NOS1AP: variants seen among roughly 807,000 people sequenced by gnomAD.
The protein encoded by NOS1AP is carboxyl-terminal PDZ ligand of neuronal nitric oxide synthase protein.
A neutral mutation model predicts 56.2 loss-of-function variants in NOS1AP; 21 were observed. The observed-to-expected ratio is 0.37, with a 90% confidence interval of 0.26 to 0.54. The LOEUF (loss-of-function observed/expected upper bound fraction) is 0.54. Among genes scored for constraint, NOS1AP ranks in the 20% least tolerant of loss-of-function variants. The pLI is 0.84. For synonymous variants in NOS1AP, 270 were observed against 274.6 expected, an observed-to-expected ratio of 0.98 and a Z score of 0.17; for missense variants, 522 against 657.8, an observed-to-expected ratio of 0.79 and a Z score of 2.26.
intron 4 of NOS1AP, among the ~76,000 whole-genome samples, chr1:162,322,965 A>G (rs146193855): frequency 7.9e-5 from 12 of 152,346 alleles, no homozygotes; most frequent in African/African-American, 2.2e-4. Flanking sequence ...TAGGGTTCCA[A>G]TTCTAATGCA....
chr1:162,188,704 T>C lies in NOS1AP; in HGVS notation c.177+34228T>C, dbSNP rs1651519903. On this transcript the variant is annotated intron_variant, in intron 2 of 9. Transcript: ENST00000361897. This position sits in a 1 kb window ranked among gnomAD's most constrained non-coding sequence, Gnocchi z 4.0. ...TTGAAGTGCAGTGAGTTTTGTTGAA[T>C]GATAACAGTGTAATAAATGTCTCTA... Among the ~76,000 whole-genome samples the C allele has an allele frequency of 6.6e-6, 1 of 152,218 alleles. No individual in the cohort carries two copies. The highest frequency in any genetic ancestry group is 1.5e-5 in the Non-Finnish European group (1 of 68,038).
At chr1:162,307,017 C>T (rs781330084) in intron 4 of NOS1AP, among the ~76,000 whole-genome samples, 31 of 151,850 alleles carry the variant, frequency 2.0e-4, no homozygotes, top group Non-Finnish European at 3.2e-4. Context: ...TTGAATAGAA[C>T]AGTGGTAGGC....
At chr1:162,287,145 A>C (rs146218763) in intron 2 of NOS1AP, among the ~76,000 whole-genome samples, 199 bp from the exon 3 acceptor site, 2 of 152,288 alleles carry the variant, frequency 1.3e-5, no homozygotes, top group African/African-American at 4.8e-5. Context: ...GGTATAGACT[A>C]TTCAGAGTCC....
At chr1:162,129,846 A>G (rs1305447202) in intron 1 of NOS1AP, among the ~76,000 whole-genome samples, 1 of 152,238 alleles carries the variant, frequency 6.6e-6, no homozygotes, top group Non-Finnish European at 1.5e-5. Flanking sequence ...GCTAAATGCA[A>G]TATCATGCCT....
rs1657629020 is a variant in NOS1AP, at chr1:162,354,521, A to T, written c.596-666A>T. Among the ~76,000 whole-genome samples the T allele has an allele frequency of 2.0e-5, 3 of 152,198 alleles. No individual in the cohort carries two copies. In the South Asian group the frequency reaches 6.2e-4, roughly 31 times the overall value. ...AGGAAGAAATGTGGGAAGTAGAAAA[A>T]TTAGATAAGGAAGCATGGAAAAGCA... On this transcript the variant is annotated intron_variant, in intron 6 of 9. Transcript: ENST00000361897.
At chr1:162,287,616 A>C (rs1655129378) in intron 3 of NOS1AP, among the ~76,000 whole-genome samples, 180 bp downstream of exon 3, 1 of 150,592 alleles carries the variant, frequency 6.6e-6, no homozygotes, top group Admixed American at 6.6e-5. Context: ...GGCGAGGCCA[A>C]AGGCCTAGTC....
At chr1:162,311,523 G>A (rs1332634178) in intron 4 of NOS1AP, among the ~76,000 whole-genome samples, 1 of 152,024 alleles carries the variant, frequency 6.6e-6, no homozygotes, top group Admixed American at 6.5e-5. Context: ...GTACATATTA[G>A]CACATGTGTC....
chr1:162,186,552 A>G (rs79950303), intron 2 of NOS1AP, among the ~76,000 whole-genome samples: 2,094 of 152,166 alleles, frequency 0.014, 54 homozygotes, highest in African/African-American at 0.048. Context: ...CTAACCCCCA[A>G]TGGGATGATA....
At chr1:162,079,486 A>T (rs1053811630) in intron 1 of NOS1AP, among the ~76,000 whole-genome samples, 2 of 152,140 alleles carry the variant, frequency 1.3e-5, no homozygotes, top group African/African-American at 4.8e-5. Flanking sequence ...CATGGCATGA[A>T]TTCAGGAGCC....
intron 1 of NOS1AP, among the ~76,000 whole-genome samples, chr1:162,114,287 T>C (rs1279239822): frequency 6.6e-6 from 1 of 152,170 alleles, no homozygotes; most frequent in Admixed American, 6.5e-5. Context: ...AACTGGCTTA[T>C]GTCTCTGTGG....
At chr1:162,330,356 T>C (rs571572484) in intron 4 of NOS1AP, among the ~76,000 whole-genome samples, 19 of 152,306 alleles carry the variant, frequency 1.2e-4, no homozygotes, top group African/African-American at 4.3e-4. Context: ...TCCTTGTTCC[T>C]TCAAGGAGCA....
At chr1:162,125,887 A>AT (rs1648467109) in intron 1 of NOS1AP, among the ~76,000 whole-genome samples, 1 of 151,538 alleles carries the variant, frequency 6.6e-6, no homozygotes, top group African/African-American at 2.4e-5. Flanking sequence ...CATGATATTG[A>AT]TTTTTTCCAA....
intron 4 of NOS1AP, among the ~76,000 whole-genome samples, chr1:162,310,597 C>G (rs1031883622): frequency 2.4e-4 from 36 of 152,194 alleles, no homozygotes; most frequent in African/African-American, 8.2e-4. Flanking sequence ...CATACATATG[C>G]ATGAGTAGGA....
At chr1:162,320,496 G>T (rs1656376246) in intron 4 of NOS1AP, among the ~76,000 whole-genome samples, 1 of 152,142 alleles carries the variant, frequency 6.6e-6, no homozygotes, top group Admixed American at 6.5e-5. Context: ...AAGAGGAAGG[G>T]TCCTTACATG....
chr1:162,124,399 T>C (rs1264435651), intron 1 of NOS1AP, among the ~76,000 whole-genome samples: 1 of 152,170 alleles, frequency 6.6e-6, no homozygotes, highest in East Asian at 1.9e-4. Context: ...AATTCCTAAA[T>C]TACTTCAGTT....
At chr1:162,080,061 C>G (rs1223104059) in intron 1 of NOS1AP, among the ~76,000 whole-genome samples, 1 of 152,178 alleles carries the variant, frequency 6.6e-6, no homozygotes, top group Non-Finnish European at 1.5e-5. Flanking sequence ...TTGTCTTTCT[C>G]TGAATTTCTT....
chr1:162,346,348 T>A (rs1382175382), intron 6 of NOS1AP, among the ~76,000 whole-genome samples: 1 of 152,178 alleles, frequency 6.6e-6, no homozygotes, highest in Admixed American at 6.5e-5. Flanking sequence ...TGCACAACTA[T>A]TAAGAAGAAT....
At chr1:162,232,219 GT>G (rs1653144535) in intron 2 of NOS1AP, among the ~76,000 whole-genome samples, 1 of 152,226 alleles carries the variant, frequency 6.6e-6, no homozygotes, top group African/African-American at 2.4e-5. Context: ...GCCATTCTGA[GT>G]TTGAAAGGTC....
chr1:162,309,739 A>G (rs1557872775), intron 4 of NOS1AP, among the ~76,000 whole-genome samples: 1 of 152,214 alleles, frequency 6.6e-6, no homozygotes, highest in African/African-American at 2.4e-5. Flanking sequence ...GTTATGATGA[A>G]TTACAACTTA....
Sources: allele counts gnomAD v4.1 joint callset (sites outside exome capture counted in the v4.1 genomes callset), GRCh38; gene constraint gnomAD v4.1.1; non-coding constraint Gnocchi (gnomAD v3.1); transcripts MANE v1.5; gene names NCBI Gene and HGNC (gene_info 2026-07-23, HGNC 2026-07-21).